Variants in DNAJC5 observed in about 807,000 individuals in gnomAD.
DNAJC5 encodes DnaJ heat shock protein family (Hsp40) member C5.
A neutral mutation model predicts 23.2 loss-of-function variants in DNAJC5; 1 was observed. The observed-to-expected ratio is 0.04, with a 90% CI of 0.02 to 0.20. The LOEUF (loss-of-function observed/expected upper bound fraction) is 0.20, where lower values mean the gene tolerates loss of function less well. DNAJC5 is among the 10% of genes least tolerant of loss of function. DNAJC5 has a pLI of 1.00. For missense variants in DNAJC5, 180 were observed against 267.0 expected (o/e 0.67, Z 2.27); for synonymous variants, 136 against 120.0 (o/e 1.13, Z -0.87).
rs185884260 is a variant in DNAJC5 at position 63,928,737 on chromosome 20, A to C, written c.107+285A>C. The stretch of plus-strand genomic sequence containing the variant: ...GGTCTGAACCTGTTTGAGGCCTCAC[A>C]GGAGCCGCAGAGCGCTGGCATGGTC... On this transcript the variant is annotated intron_variant, in intron 2 of 4. Coordinates refer to ENST00000360864, the MANE Select transcript of DNAJC5 (RefSeq NM_025219.3). This position sits in a 1 kb window ranked among gnomAD's most constrained non-coding sequence, Gnocchi z 4.6. Among the ~76,000 whole-genome samples the C allele has an allele frequency of 6.6e-6, 1 of 152,304 alleles. No homozygotes were observed.
At chr20:63,900,996 G>T (rs192058363) in intron 1 of DNAJC5, among the ~76,000 whole-genome samples, 1 of 152,178 alleles carries the variant, frequency 6.6e-6, no homozygotes, top group Admixed American at 6.5e-5. Flanking sequence ...ACGGAGTCTC[G>T]CTCTGTCATC....
intron 1 of DNAJC5, among the ~76,000 whole-genome samples, chr20:63,918,015 C>T (rs1369483427): frequency 6.6e-6 from 1 of 152,118 alleles, no homozygotes; most frequent in South Asian, 2.1e-4. Flanking sequence ...ACGCTGTCCG[C>T]CCTTCGCCAC....
chr20:63,931,353 C>G lies in DNAJC5; in HGVS notation c.494-112C>G, dbSNP rs949078019. 3 of 1,054,004 alleles carry G rather than the reference C, an allele frequency of 2.8e-6. No individual in the cohort carries two copies. The highest frequency in any genetic ancestry group is 4.2e-6 in the Non-Finnish European group (3 of 709,404). The allele number at this position is 1,054,004 out of a possible 1,614,324, so 65.3% of individuals were successfully genotyped here. ...GTGTGGGGTGGAGGTCAGCGAGTAGCCTCTCCCGGTGGAGAGTTTGTCCAG... is the reference window on the plus strand; with the variant it reads ...GTGTGGGGTGGAGGTCAGCGAGTAGGCTCTCCCGGTGGAGAGTTTGTCCAG... On this transcript the variant is annotated intron_variant, in intron 4 of 4. Transcript: ENST00000360864. The surrounding 1 kb of genome is among the most constrained non-coding windows in gnomAD (Gnocchi z 9.6).
chr20:63,914,583 C>T lies in DNAJC5; in HGVS notation c.-11-13752C>T, dbSNP rs369177799. ...CCACCCGCCTCGGCCTCCCAAAGTG[C>T]TGGGATTACAGGCATGAACCACCGT... On this transcript the variant is annotated intron_variant, in intron 1 of 4. Transcript: ENST00000360864. Among the ~76,000 whole-genome samples the T allele has an allele frequency of 2.1e-4, 31 of 145,744 alleles. No individual in the cohort carries two copies. The South Asian group carries it at 6.3e-3, about 30-fold the overall frequency.
chr20:63,922,575 C>T (rs1456934126), intron 1 of DNAJC5, among the ~76,000 whole-genome samples: 1 of 151,678 alleles, frequency 6.6e-6, no homozygotes, highest in African/African-American at 2.4e-5. Flanking sequence ...AATTCAAGAT[C>T]AGCCTGAGCA....
Position 63,902,345 on chromosome 20 carries a change from C to T in DNAJC5, c.-12+7022C>T, listed in dbSNP as rs574825642. Among the ~76,000 whole-genome samples, 5 of 149,300 alleles carry T rather than the reference C, an allele frequency of 3.3e-5. No individual in the cohort carries two copies. The South Asian group carries it at 8.5e-4, about 25-fold the overall frequency. On this transcript the variant is annotated intron_variant, in intron 1 of 4. Coordinates refer to ENST00000360864, the MANE Select transcript of DNAJC5 (RefSeq NM_025219.3). ...CTGGGATTACAGGCGTGAGCCACTG[C>T]TCCTGGCCTCATCTTTTTTTTTTTT...
chr20:63,900,665 T>A (rs146669485), intron 1 of DNAJC5, among the ~76,000 whole-genome samples: 1 of 152,028 alleles, frequency 6.6e-6, no homozygotes, highest in Non-Finnish European at 1.5e-5. Flanking sequence ...AATTTAACTT[T>A]GTTGCAACAT....
intron 3 of DNAJC5, 50 bp from the exon 4 acceptor site, chr20:63,930,801 C>A: frequency 6.2e-7 from 1 of 1,609,868 alleles, no homozygotes; most frequent in South Asian, 1.1e-5. Flanking sequence ...CTGCGCCTCC[C>A]TCTCCAGGGG....
intron 1 of DNAJC5, among the ~76,000 whole-genome samples, chr20:63,926,165 C>T (rs1324998958): frequency 6.6e-6 from 1 of 152,154 alleles, no homozygotes; most frequent in Non-Finnish European, 1.5e-5. Context: ...ACTTTATTAA[C>T]AGATGCAGGC....
At position 63,904,577 on chromosome 20, in the gene DNAJC5, G is replaced by A. The variant is rs76905314; in HGVS notation, c.-12+9254G>A. 9.1e-3 allele frequency among the ~76,000 whole-genome samples: 1,384 copies of A among 152,232 alleles called. 11 individuals are homozygous for A. Among genetic ancestry groups the A allele is most frequent in the African/African-American group, 0.032 (1,314 of 41,520 alleles). On this transcript the variant is annotated intron_variant, in intron 1 of 4. Coordinates refer to ENST00000360864, the MANE Select transcript of DNAJC5 (RefSeq NM_025219.3). ...CCTCCAGGTGGGCGGACTGAGATGC[G>A]TGCAGGTGTTCATGGTATAGGCATC...
At chr20:63,898,182 C>T (rs2053386805) in intron 1 of DNAJC5, among the ~76,000 whole-genome samples, 1 of 152,156 alleles carries the variant, frequency 6.6e-6, no homozygotes, top group South Asian at 2.1e-4. Context: ...GTGGTTTTAT[C>T]CTTAGAGCCC....
chr20:63,903,078 T>C (rs2053425219), intron 1 of DNAJC5, among the ~76,000 whole-genome samples: 1 of 152,136 alleles, frequency 6.6e-6, no homozygotes, highest in Non-Finnish European at 1.5e-5. Flanking sequence ...GCCCAAGCAA[T>C]CCTCCTATCT....
At position 63,931,726 on chromosome 20, in the gene DNAJC5, A is replaced by T. The variant is rs41278210; in HGVS notation, c.*158A>T. On this transcript the variant is annotated 3_prime_UTR_variant, in exon 5 of 5. Transcript: ENST00000360864. The surrounding 1 kb of genome is among the most constrained non-coding windows in gnomAD (Gnocchi z 9.6). Reference sequence around the variant, plus strand: ...CACGCCCACCCAGCGTCGACCCTTGACCCACGAAGTGCGTAGCATGCAGTA... The same window carrying T: ...CACGCCCACCCAGCGTCGACCCTTGTCCCACGAAGTGCGTAGCATGCAGTA... 1.0e-3 allele frequency: 754 copies of T among 721,550 alleles called. 3 individuals carry two copies. Among genetic ancestry groups the T allele is most frequent in the Admixed American group, 1.9e-3 (92 of 48,600 alleles). The allele number at this position is 721,550 out of a possible 1,614,324, so 44.7% of individuals were successfully genotyped here.
At chr20:63,916,002 C>T (rs908234356) in intron 1 of DNAJC5, among the ~76,000 whole-genome samples, 6 of 151,798 alleles carry the variant, frequency 4.0e-5, no homozygotes, top group East Asian at 3.9e-4. Flanking sequence ...GGTGCGATCT[C>T]GGCTCACTGC....
rs2053672585 is a variant in DNAJC5, at chr20:63,931,621, T to G, written c.*53T>G. On this transcript the variant is annotated 3_prime_UTR_variant, in exon 5 of 5. Transcript: ENST00000360864. This position sits in a 1 kb window ranked among gnomAD's most constrained non-coding sequence, Gnocchi z 9.6. ...GAGCCGGCGCCTGGCCACGCCAACC[T>G]TAGAATCATGAACTGTAGTCACAGA... The G allele has an allele frequency of 6.7e-7, 1 of 1,486,552 alleles. No individual in the cohort carries two copies. Among genetic ancestry groups the G allele is most frequent in the Admixed American group, 2.0e-5 (1 of 50,886 alleles). 92.1% of individuals were successfully genotyped at this position (1,486,552 alleles called of 1,614,324 possible). A position where few individuals can be genotyped will look rare whatever the true frequency, so the allele number is the denominator to read the frequency against.
chr20:63,927,434 T>TGA (rs2053625501), intron 1 of DNAJC5, among the ~76,000 whole-genome samples: 1 of 152,070 alleles, frequency 6.6e-6, no homozygotes. Context: ...TACTCCTGTG[T>TGA]GAGGCTGAGG....
chr20:63,931,444 C>T lies in DNAJC5; in HGVS notation c.494-21C>T, dbSNP rs951623170. On this transcript the variant is annotated intron_variant, in intron 4 of 4. Transcript: ENST00000360864. This position sits in a 1 kb window ranked among gnomAD's most constrained non-coding sequence, Gnocchi z 9.6. ...GCCAGGCTGTGGCCCTCGTGCAGTG[C>T]CCTGTGTGCTTGCTTTTCAGAGGCC... 6.5e-7 allele frequency: 1 copy of T among 1,539,822 alleles called. No individual in the cohort carries two copies. The highest frequency in any genetic ancestry group is 8.7e-7 in the Non-Finnish European group (1 of 1,147,484).
chr20:63,903,289 G>A (rs997302689), intron 1 of DNAJC5, among the ~76,000 whole-genome samples: 6 of 152,108 alleles, frequency 3.9e-5, no homozygotes, highest in Non-Finnish European at 7.4e-5. Flanking sequence ...TGAGATTGTA[G>A]GCACGCACCA....
At chr20:63,913,821 C>T (rs1314753045) in intron 1 of DNAJC5, among the ~76,000 whole-genome samples, 5 of 152,206 alleles carry the variant, frequency 3.3e-5, no homozygotes, top group East Asian at 1.9e-4. Flanking sequence ...TCAGGGGATC[C>T]GCCCACCTTG....
Sources: allele counts gnomAD v4.1 joint callset (sites outside exome capture counted in the v4.1 genomes callset), GRCh38; gene constraint gnomAD v4.1.1; non-coding constraint Gnocchi (gnomAD v3.1); transcripts MANE v1.5; gene names NCBI Gene and HGNC (gene_info 2026-07-23, HGNC 2026-07-21).